Variants in TMTC2 observed in about 807,000 individuals in gnomAD.
TMTC2 encodes protein O-mannosyl-transferase TMTC2.
TMTC2 carries 43 observed loss-of-function variants against 82.4 expected under a neutral mutation model. The observed-to-expected ratio is 0.52, with a 90% CI of 0.41 to 0.67. TMTC2 has a LOEUF of 0.67. Ranked by LOEUF, TMTC2 falls within the 30% of genes least tolerant of loss-of-function variation. The pLI, the probability that TMTC2 is intolerant of heterozygous loss-of-function variation, is 0.00. For synonymous variants in TMTC2, 408 were observed against 381.9 expected (o/e 1.07, Z -0.80); for missense variants, 919 against 1,012.4 (o/e 0.91, Z 1.25).
intron 11 of TMTC2, among the ~76,000 whole-genome samples, chr12:83,068,350 CA>C (rs909595595): frequency 1.3e-5 from 2 of 151,638 alleles, no homozygotes; most frequent in African/African-American, 4.8e-5. Context: ...CTAATTAGAA[CA>C]AAAAAACATA....
At chr12:82,937,418 T>C (rs1876375219) in intron 4 of TMTC2, among the ~76,000 whole-genome samples, 1 of 152,268 alleles carries the variant, frequency 6.6e-6, no homozygotes, top group Admixed American at 6.5e-5. Flanking sequence ...TAAAAGGACA[T>C]CAGTCATATG....
intron 11 of TMTC2, among the ~76,000 whole-genome samples, chr12:83,070,283 G>A (rs1883064314): frequency 1.3e-5 from 2 of 151,998 alleles, no homozygotes; most frequent in Admixed American, 1.3e-4. Context: ...TGGCAGTATG[G>A]TCATTTTCAC....
intron 8 of TMTC2, among the ~76,000 whole-genome samples, chr12:83,015,922 A>G (rs911141208): frequency 1.3e-5 from 2 of 152,140 alleles, no homozygotes; most frequent in African/African-American, 4.8e-5. Flanking sequence ...CACCTAGTTT[A>G]AAGGTTTCTG....
At chr12:82,985,460 G>T (rs1244703941) in intron 7 of TMTC2, among the ~76,000 whole-genome samples, 1 of 152,084 alleles carries the variant, frequency 6.6e-6, no homozygotes, top group Admixed American at 6.6e-5. Flanking sequence ...TTCTCAAAAA[G>T]GTAAGTCATT....
In TMTC2 at chr12:82,942,759, C is replaced by T. The variant is rs532120086; in HGVS notation, c.1598+12214C>T. The stretch of plus-strand genomic sequence containing the variant: ...AAGAATTACTACATGATGACCTGGA[C>T]GTCTGCAGAATGGTAAAGGAGAAGT... On this transcript the variant is annotated intron_variant, in intron 4 of 11. Coordinates refer to ENST00000321196, the MANE Select transcript of TMTC2 (RefSeq NM_152588.3). 4.6e-5 allele frequency among the ~76,000 whole-genome samples: 7 copies of T among 151,934 alleles called. No individual in the cohort carries two copies. The East Asian group carries it at 5.8e-4, about 13-fold the overall frequency.
Position 83,132,333 on chromosome 12 carries a change from C to A in TMTC2, c.2455C>A (p.Leu819Ile). 1.2e-6 allele frequency: 2 copies of A among 1,614,086 alleles called. No homozygotes were observed. The highest frequency in any genetic ancestry group is 1.7e-6 in the Non-Finnish European group (2 of 1,180,002). ...KPDDVITQSN[L>I]RKLWNIMEKQ... ...AGACGATGTCATCACACAGTCCAAT[C>A]TCCGCAAACTGTGGAACATCATGGA... Residue 819 changes from leucine (L) to isoleucine (I), a missense_variant, in exon 12 of 12, where the codon CTC becomes ATC. Physicochemically the swap from Leu to Ile is conservative, Grantham distance 5 (BLOSUM62 2). Coordinates refer to ENST00000321196, the MANE Select transcript of TMTC2 (RefSeq NM_152588.3).
At chr12:82,914,937 T>G (rs981966953) in intron 3 of TMTC2, among the ~76,000 whole-genome samples, 4 of 150,870 alleles carry the variant, frequency 2.7e-5, no homozygotes, top group Non-Finnish European at 5.9e-5. Flanking sequence ...GTGATTCTCC[T>G]TCCTCAGCCT....
chr12:83,021,170 T>G (rs1880904394), intron 8 of TMTC2, among the ~76,000 whole-genome samples: 1 of 152,182 alleles, frequency 6.6e-6, no homozygotes, highest in Non-Finnish European at 1.5e-5. Flanking sequence ...TTGGCATTCT[T>G]GCAAGTCTTT....
intron 8 of TMTC2, among the ~76,000 whole-genome samples, chr12:83,023,264 T>G (rs10862554): frequency 0.59 from 89,917 of 151,868 alleles, 27,142 homozygotes; most frequent in South Asian, 0.73. Flanking sequence ...GCATTTTAGG[T>G]AAACCGAATA....
intron 1 of TMTC2, among the ~76,000 whole-genome samples, chr12:82,708,508 A>G (rs983742430): frequency 6.6e-6 from 1 of 152,192 alleles, no homozygotes; most frequent in East Asian, 1.9e-4. Flanking sequence ...CCATGCTACT[A>G]TAATCGTTAC....
At chr12:82,993,807 T>G (rs573700878) in intron 8 of TMTC2, among the ~76,000 whole-genome samples, 5 of 152,154 alleles carry the variant, frequency 3.3e-5, no homozygotes, top group Non-Finnish European at 7.3e-5. Context: ...AAGACATTAA[T>G]GAGTGTAGAA....
In TMTC2 at chr12:82,876,432, A is replaced by G. The variant is rs76676151; in HGVS notation, c.654+18852A>G. On this transcript the variant is annotated intron_variant, in intron 2 of 11. Coordinates refer to ENST00000321196, the MANE Select transcript of TMTC2 (RefSeq NM_152588.3). ...TTTAATGATGTTAATATCTCTCTTC[A>G]TGTCTCTCTAAAAATGGGCCGTGTT... Among the ~76,000 whole-genome samples the G allele has an allele frequency of 4.1e-3, 621 of 152,212 alleles. 7 individuals are homozygous for G. The highest frequency in any genetic ancestry group is 0.014 in the African/African-American group (594 of 41,530).
chr12:82,769,330 G>A (rs1355799675), intron 1 of TMTC2, among the ~76,000 whole-genome samples: 1 of 151,736 alleles, frequency 6.6e-6, no homozygotes, highest in Admixed American at 6.6e-5. Flanking sequence ...ACAAAAATTA[G>A]CCAGGCGTGG....
chr12:83,110,254 GACT>G (rs1884555736), intron 11 of TMTC2, among the ~76,000 whole-genome samples: 1 of 152,102 alleles, frequency 6.6e-6, no homozygotes, highest in African/African-American at 2.4e-5. Flanking sequence ...CTTTGGTCTT[GACT>G]ACTACAGGAC....
chr12:82,819,834 G>A (rs1319622074), intron 1 of TMTC2, among the ~76,000 whole-genome samples: 1 of 152,016 alleles, frequency 6.6e-6, no homozygotes, highest in Non-Finnish European at 1.5e-5. Context: ...GTGTATTAGG[G>A]TTCTCTACAG....
intron 7 of TMTC2, among the ~76,000 whole-genome samples, chr12:82,970,629 G>T (rs1284458557): frequency 1.3e-5 from 2 of 152,188 alleles, no homozygotes; most frequent in Non-Finnish European, 2.9e-5. Flanking sequence ...CACCGCGCCC[G>T]GCCTCCTTAG....
chr12:82,758,056 T>C (rs994506759), intron 1 of TMTC2, among the ~76,000 whole-genome samples: 1 of 152,194 alleles, frequency 6.6e-6, no homozygotes, highest in African/African-American at 2.4e-5. Flanking sequence ...TGTGTGGTCC[T>C]GTTATCACTT....
chr12:82,952,895 C>A (rs946076485), intron 4 of TMTC2, among the ~76,000 whole-genome samples: 1 of 152,054 alleles, frequency 6.6e-6, no homozygotes, highest in Non-Finnish European at 1.5e-5. Flanking sequence ...TTTAAAAACA[C>A]GAATAATGCA....
chr12:82,881,035 C>G (rs1341230943), intron 2 of TMTC2, among the ~76,000 whole-genome samples: 3 of 151,612 alleles, frequency 2.0e-5, no homozygotes, highest in African/African-American at 7.3e-5. Context: ...TGCTAAAACT[C>G]AAAGATACAC....
Sources: allele counts gnomAD v4.1 joint callset (sites outside exome capture counted in the v4.1 genomes callset), GRCh38; gene constraint gnomAD v4.1.1; transcripts MANE v1.5; gene names NCBI Gene and HGNC (gene_info 2026-07-23, HGNC 2026-07-21).